Variants in ZNF487 observed in about 807,000 individuals in gnomAD.
The protein encoded by ZNF487 is zinc finger protein 487, also known as KRAB domain only 1.
A neutral mutation model predicts 3.0 loss-of-function variants in ZNF487; 4 were observed. The ratio of observed to expected loss-of-function variants is 1.35; its 90% CI spans 0.66 to 3.08. The LOEUF is 3.08. Among genes scored for constraint, ZNF487 ranks in the 30% most tolerant of loss-of-function variants. The probability of loss-of-function intolerance (pLI) is 0.01; values close to 1 mark genes in which losing one functional copy is unlikely to be tolerated. For missense variants in ZNF487, 146 were observed against 98.7 expected (o/e 1.48, Z -2.03); for synonymous variants, 55 against 34.6 (o/e 1.59, Z -2.06).
At chr10:43,519,940 C>G in the ZNF487 span, among the ~76,000 whole-genome samples, 173 of 152,272 alleles carry the variant, frequency 1.1e-3, 2 homozygotes, top group African/African-American at 4.0e-3. Context: ...GTGTATCTTT[C>G]CTGTCCAGAT....
At chr10:43,489,798 G>C in the ZNF487 span, among the ~76,000 whole-genome samples, 16 of 151,952 alleles carry the variant, frequency 1.1e-4, no homozygotes, top group African/African-American at 3.6e-4. Context: ...AAGTCCTGAA[G>C]GAAGAATCAT....
At chr10:43,489,267 A>T in the ZNF487 span, among the ~76,000 whole-genome samples, 2 of 152,250 alleles carry the variant, frequency 1.3e-5, no homozygotes, top group Admixed American at 1.3e-4. Context: ...CCTGGCCAAC[A>T]TAGAAAGACT....
intron 1 of ZNF487, among the ~76,000 whole-genome samples, chr10:43,450,903 G>C (rs2132059169): frequency 6.6e-6 from 1 of 152,200 alleles, no homozygotes; most frequent in South Asian, 2.1e-4. Context: ...TACATTTGGA[G>C]CCACGTTGTA....
chr10:43,453,309 T>C (rs1335814106), intron 1 of ZNF487: 1 of 152,170 alleles, frequency 6.6e-6, no homozygotes, highest in Non-Finnish European at 1.5e-5. Context: ...CATAAACATC[T>C]CAAAGGGACA....
downstream of ZNF487, among the ~76,000 whole-genome samples, chr10:43,485,876 C>G (rs962712894): frequency 1.3e-5 from 2 of 152,054 alleles, no homozygotes; most frequent in African/African-American, 4.8e-5. Flanking sequence ...CAGACTATTT[C>G]AGTAAATCAT....
chr10:43,508,438 G>A, the ZNF487 span, among the ~76,000 whole-genome samples: 2 of 152,162 alleles, frequency 1.3e-5, no homozygotes, highest in African/African-American at 4.8e-5. Context: ...TGGAATCAGT[G>A]AGCAATAAAT....
At chr10:43,490,115 G>A in the ZNF487 span, among the ~76,000 whole-genome samples, 1 of 152,174 alleles carries the variant, frequency 6.6e-6, no homozygotes, top group Non-Finnish European at 1.5e-5. Flanking sequence ...TTGAGAGGCC[G>A]AAGGCGGGTG....
At chr10:43,468,043 C>G (rs1840769340) in intron 1 of ZNF487, among the ~76,000 whole-genome samples, 1 of 152,074 alleles carries the variant, frequency 6.6e-6, no homozygotes, top group Admixed American at 6.6e-5. Flanking sequence ...TTGAGGGGTT[C>G]AAGTCTTCAG....
chr10:43,464,897 A>G (rs1040854127), intron 1 of ZNF487, among the ~76,000 whole-genome samples: 1 of 152,048 alleles, frequency 6.6e-6, no homozygotes, highest in Non-Finnish European at 1.5e-5. Context: ...CACCTCCCAG[A>G]CGGGGTGGTG....
intron 3 of ZNF487, among the ~76,000 whole-genome samples, chr10:43,479,077 G>A (rs905207920): frequency 7.2e-6 from 1 of 138,998 alleles, no homozygotes. Context: ...ATGTATGTAT[G>A]TATGTGTGTA....
At chr10:43,463,571 AAC>A (rs1840515761) in intron 1 of ZNF487, among the ~76,000 whole-genome samples, 1 of 151,546 alleles carries the variant, frequency 6.6e-6, no homozygotes, top group African/African-American at 2.4e-5. Flanking sequence ...TTTTGGTGGA[AAC>A]TTGGTCTCAC....
chr10:43,487,495 G>C (rs1588751563), downstream of ZNF487, among the ~76,000 whole-genome samples: 1 of 149,886 alleles, frequency 6.7e-6, no homozygotes, highest in Admixed American at 6.7e-5. Context: ...TGTTGCCCAG[G>C]CTGGAGTGCA....
intron 1 of ZNF487, among the ~76,000 whole-genome samples, chr10:43,466,291 G>A (rs546285598): frequency 2.2e-3 from 328 of 151,950 alleles, no homozygotes; most frequent in Middle Eastern, 6.8e-3. Context: ...TGATCTACCC[G>A]TCTCAGCCTC....
the ZNF487 span, among the ~76,000 whole-genome samples, chr10:43,502,387 T>A: frequency 2.7e-5 from 4 of 148,576 alleles, no homozygotes; most frequent in African/African-American, 1.0e-4. Context: ...TGTCGTGGGG[T>A]GGGGGGGGAT....
chr10:43,439,483 A>G (rs1224538142), intron 1 of ZNF487, among the ~76,000 whole-genome samples: 1 of 151,932 alleles, frequency 6.6e-6, no homozygotes, highest in East Asian at 1.9e-4. Flanking sequence ...AGGGCAGATC[A>G]CCTAAGGTCA....
chr10:43,450,658 T>A (rs1839974619), intron 1 of ZNF487, among the ~76,000 whole-genome samples: 1 of 151,872 alleles, frequency 6.6e-6, no homozygotes, highest in Non-Finnish European at 1.5e-5. Flanking sequence ...CCGGAAAGCT[T>A]TTAAGTGCCC....
chr10:43,489,444 C>G, the ZNF487 span, among the ~76,000 whole-genome samples: 5 of 152,282 alleles, frequency 3.3e-5, no homozygotes, highest in African/African-American at 1.2e-4. Context: ...ACCTCCACCT[C>G]CTGGGTTCAA....
At chr10:43,498,379 A>G in the ZNF487 span, among the ~76,000 whole-genome samples, 419 of 148,596 alleles carry the variant, frequency 2.8e-3, 4 homozygotes, top group African/African-American at 9.9e-3. Context: ...CCCGGGTTCA[A>G]GTGATCCTCC....
chr10:43,441,002 G>GACCACAGGT (rs1839579580), intron 1 of ZNF487, among the ~76,000 whole-genome samples: 1 of 137,078 alleles, frequency 7.3e-6, no homozygotes, highest in African/African-American at 2.7e-5. Context: ...AAGTAGCTAG[G>GACCACAGGT]ACCACAGGTA....
Sources: allele counts gnomAD v4.1 joint callset (sites outside exome capture counted in the v4.1 genomes callset), GRCh38; gene constraint gnomAD v4.1.1; transcripts MANE v1.5; gene names NCBI Gene and HGNC (gene_info 2026-07-23, HGNC 2026-07-21).